Variants in CABP1 observed in about 807,000 individuals in gnomAD.
The protein encoded by CABP1 is calcium-binding protein 1.
Under a neutral mutation model 34.3 loss-of-function variants are expected in CABP1, and 17 were observed. The observed-to-expected ratio is 0.50, with a 90% CI of 0.34 to 0.74. The LOEUF (loss-of-function observed/expected upper bound fraction) is 0.74. Among genes scored for constraint, CABP1 ranks in the 30% least tolerant of loss-of-function variants. The probability of loss-of-function intolerance (pLI) is 0.01; values close to 1 mark genes in which losing one functional copy is unlikely to be tolerated. For synonymous variants in CABP1, 198 were observed against 229.2 expected (o/e 0.86, Z 1.23); for missense variants, 373 against 511.1 (o/e 0.73, Z 2.61).
the CABP1 span, among the ~76,000 whole-genome samples, chr12:120,676,083 T>TA: frequency 1.3e-5 from 2 of 151,962 alleles, no homozygotes; most frequent in Non-Finnish European, 2.9e-5. Flanking sequence ...TCTCAAAAAA[T>TA]AAAAAACAGC....
chr12:120,666,817 C>A, intron 5 of CABP1, 58 bp from the exon 6 acceptor site: 1 of 1,562,700 alleles, frequency 6.4e-7, no homozygotes, highest in Non-Finnish European at 8.7e-7. Context: ...CTGAAGGCAG[C>A]AACCTGGGGA....
downstream of CABP1, among the ~76,000 whole-genome samples, chr12:120,669,055 G>A (rs115406147): frequency 8.6e-3 from 1,311 of 152,234 alleles, 24 homozygotes; most frequent in African/African-American, 0.03. Flanking sequence ...CCAGACACAA[G>A]GGAGGCTGGT....
At chr12:120,655,975 C>G (rs771530368) in intron 1 of CABP1, 12 of 1,553,670 alleles carry the variant, frequency 7.7e-6, no homozygotes, top group East Asian at 4.8e-5. Flanking sequence ...TCTCTGAACC[C>G]CGCTCCTTGA....
downstream of CABP1, among the ~76,000 whole-genome samples, chr12:120,669,133 G>A (rs565938204): frequency 1.3e-5 from 2 of 152,312 alleles, no homozygotes; most frequent in South Asian, 2.1e-4. Context: ...CAGAGCATCC[G>A]CTGCCCGCTG....
At chr12:120,671,109 G>C (rs1387487610), downstream of CABP1, among the ~76,000 whole-genome samples, 1 of 152,078 alleles carries the variant, frequency 6.6e-6, no homozygotes, top group Non-Finnish European at 1.5e-5. Context: ...AGGATCAGCA[G>C]TGCTTAGTTA....
At chr12:120,653,694 C>T (rs890896124) in intron 1 of CABP1, among the ~76,000 whole-genome samples, 3 of 152,094 alleles carry the variant, frequency 2.0e-5, no homozygotes, top group Admixed American at 6.6e-5. Flanking sequence ...CCACCACACG[C>T]GGCTAATTTT....
intron 1 of CABP1, among the ~76,000 whole-genome samples, chr12:120,647,702 C>T (rs946107883): frequency 3.3e-5 from 5 of 150,484 alleles, no homozygotes; most frequent in East Asian, 3.9e-4. Flanking sequence ...CGAGTAGCGG[C>T]GACTGCAGGC....
chr12:120,644,957 A>G (rs1879482087), intron 1 of CABP1, among the ~76,000 whole-genome samples: 1 of 152,144 alleles, frequency 6.6e-6, no homozygotes, highest in Non-Finnish European at 1.5e-5. Context: ...GGTGCCTGCC[A>G]CCGCACCTGG....
chr12:120,642,682 A>C (rs541990373), intron 1 of CABP1, among the ~76,000 whole-genome samples: 1 of 152,190 alleles, frequency 6.6e-6, no homozygotes, highest in Non-Finnish European at 1.5e-5. Context: ...GTTAATGAGG[A>C]GGTGTAGGCT....
the CABP1 span, among the ~76,000 whole-genome samples, chr12:120,679,073 C>CAAAA: frequency 3.4e-5 from 3 of 87,034 alleles, no homozygotes; most frequent in South Asian, 4.1e-4. Flanking sequence ...ACACCATCTC[C>CAAAA]AAAAAAAAAA....
At chr12:120,643,237 C>T (rs546301440) in intron 1 of CABP1, among the ~76,000 whole-genome samples, 15 of 147,152 alleles carry the variant, frequency 1.0e-4, no homozygotes, top group African/African-American at 3.0e-4. Context: ...CTCTCAGCTG[C>T]GGGCTTTTAC....
chr12:120,667,042 C>A lies in CABP1; in HGVS notation c.*142C>A. ...TGCCTGCACCCCGGGGAGGCGCCCA[C>A]CCCGGACCCCCACCCCTCCGCACTG... On this transcript the variant is annotated 3_prime_UTR_variant, in exon 6 of 6. Coordinates refer to ENST00000316803, the MANE Select transcript of CABP1 (RefSeq NM_001033677.2). The A allele has an allele frequency of 1.1e-6, 1 of 938,768 alleles. No individual in the cohort carries two copies. The allele number at this position is 938,768 out of a possible 1,614,324, so 58.2% of individuals were successfully genotyped here. A position where few individuals can be genotyped will look rare whatever the true frequency, so the allele number is the denominator to read the frequency against.
the CABP1 span, among the ~76,000 whole-genome samples, chr12:120,679,435 TCATTAAGAG>T: frequency 6.6e-6 from 1 of 152,154 alleles, no homozygotes; most frequent in African/African-American, 2.4e-5. Flanking sequence ...CGTTTTGAGG[TCATTAAGAG>T]CATCGGATAA....
chr12:120,658,033 ATGGGT>A (rs1411581974), intron 1 of CABP1, among the ~76,000 whole-genome samples: 1 of 148,038 alleles, frequency 6.8e-6, no homozygotes, highest in African/African-American at 2.5e-5. Context: ...CTACGAACAT[ATGGGT>A]TTGTGTTGGA....
the CABP1 span, among the ~76,000 whole-genome samples, chr12:120,673,488 G>A: frequency 1.5e-3 from 230 of 152,162 alleles, 1 homozygote; most frequent in African/African-American, 5.4e-3. Context: ...GGAGGCTGAG[G>A]CAGGAGAATC....
chr12:120,675,525 T>TG, the CABP1 span, among the ~76,000 whole-genome samples: 2 of 152,246 alleles, frequency 1.3e-5, no homozygotes, highest in African/African-American at 4.8e-5. Flanking sequence ...TTCTCATTTC[T>TG]GGAGTTGAAC....
the CABP1 span, among the ~76,000 whole-genome samples, chr12:120,679,030 G>A: frequency 2.7e-3 from 337 of 125,870 alleles, 8 homozygotes; most frequent in Admixed American, 0.029. Context: ...ATGAGATCAC[G>A]CCACTGCACT....
At chr12:120,655,869 G>A (rs1179815304) in intron 1 of CABP1, 6 of 1,536,024 alleles carry the variant, frequency 3.9e-6, no homozygotes, top group Non-Finnish European at 3.5e-6. Context: ...GCCACACAGA[G>A]GGCATCACAT....
chr12:120,650,875 C>T (rs911281730), intron 1 of CABP1, among the ~76,000 whole-genome samples: 2 of 136,372 alleles, frequency 1.5e-5, no homozygotes, highest in Admixed American at 1.5e-4. Flanking sequence ...TTGGGCATGG[C>T]GGTCGGGGTG....
Sources: gnomAD v4.1 joint callset for allele counts (sites outside exome capture counted in the v4.1 genomes callset) on GRCh38, gnomAD v4.1.1 for gene constraint, MANE v1.5 for transcripts, NCBI Gene and HGNC (gene_info 2026-07-23, HGNC 2026-07-21) for gene names.